The following FANK1 variants were observed in gnomAD, a reference collection of about 807,000 sequenced individuals.
The protein encoded by FANK1 is fibronectin type 3 and ankyrin repeat domains protein 1.
Under a neutral mutation model 45.3 loss-of-function variants are expected in FANK1, and 44 were observed. The observed-to-expected ratio is 0.97, with a 90% CI of 0.76 to 1.25. FANK1 has a LOEUF of 1.25. FANK1 is among the 50% of genes most tolerant of loss of function. The pLI is 0.00. For missense variants in FANK1, 391 were observed against 424.4 expected (o/e 0.92, Z 0.69); for synonymous variants, 149 against 152.5 (o/e 0.98, Z 0.17).
At chr10:125,990,041 G>A (rs940898339) in intron 3 of FANK1, among the ~76,000 whole-genome samples, 1 of 152,160 alleles carries the variant, frequency 6.6e-6, no homozygotes, top group Non-Finnish European at 1.5e-5. Context: ...TGTGCTCACT[G>A]AGCCTGCTCC....
chr10:125,928,884 C>T (rs984886250), intron 1 of FANK1, among the ~76,000 whole-genome samples: 1 of 152,102 alleles, frequency 6.6e-6, no homozygotes. Flanking sequence ...CATATTCTAC[C>T]CAGTATTCTC....
chr10:125,996,375 T>C (rs893849102), intron 4 of FANK1, among the ~76,000 whole-genome samples, 175 bp from the exon 5 acceptor site: 8 of 152,236 alleles, frequency 5.3e-5, no homozygotes, highest in African/African-American at 1.4e-4. Context: ...ATTAGGTATA[T>C]AGTTTAGAAG....
At chr10:125,995,352 C>A in intron 3 of FANK1, 65 bp from the exon 4 acceptor site, 1 of 1,469,762 alleles carries the variant, frequency 6.8e-7, no homozygotes, top group Non-Finnish European at 9.5e-7. Flanking sequence ...CACAGGAGGA[C>A]GATGGCGGGA....
chr10:125,934,744 T>G (rs1011101211), intron 1 of FANK1, among the ~76,000 whole-genome samples: 43 of 138,032 alleles, frequency 3.1e-4, no homozygotes, highest in African/African-American at 3.0e-4. Flanking sequence ...TTTTTTTTTT[T>G]TTTTTTTTTT....
intron 2 of FANK1, among the ~76,000 whole-genome samples, chr10:125,988,052 C>T (rs1468324750): frequency 6.6e-6 from 1 of 152,196 alleles, no homozygotes; most frequent in Non-Finnish European, 1.5e-5. Flanking sequence ...CCTGAGCTCC[C>T]AGCTCTACTG....
At chr10:125,918,267 T>C (rs926980978) in intron 1 of FANK1, among the ~76,000 whole-genome samples, 1 of 151,530 alleles carries the variant, frequency 6.6e-6, no homozygotes, top group Non-Finnish European at 1.5e-5. Flanking sequence ...TTAAGACTGG[T>C]TAAAATCGGG....
At chr10:125,945,200 G>C (rs1207197203) in intron 1 of FANK1, among the ~76,000 whole-genome samples, 2 of 152,044 alleles carry the variant, frequency 1.3e-5, no homozygotes, top group Non-Finnish European at 2.9e-5. Flanking sequence ...AGTCATGTGT[G>C]TCTTGTTAAA....
intron 3 of FANK1, chr10:125,989,293 C>T: frequency 2.6e-6 from 4 of 1,550,344 alleles, no homozygotes; most frequent in Admixed American, 2.0e-5. Context: ...CATCTCTGAG[C>T]AAGAGCCTTG....
At chr10:125,917,873 A>T (rs1423951727) in intron 1 of FANK1, among the ~76,000 whole-genome samples, 1 of 152,310 alleles carries the variant, frequency 6.6e-6, no homozygotes, top group African/African-American at 2.4e-5. Context: ...ACTTCAGCCC[A>T]AGAGTTCAAG....
chr10:125,946,358 G>GA (rs1399941735), intron 1 of FANK1, among the ~76,000 whole-genome samples: 1 of 148,374 alleles, frequency 6.7e-6, no homozygotes, highest in South Asian at 2.1e-4. Flanking sequence ...TGAAAACTTT[G>GA]AAAAAAATTT....
At chr10:125,898,021 A>AAG (rs1227356802) in intron 1 of FANK1, among the ~76,000 whole-genome samples, 2 of 130,860 alleles carry the variant, frequency 1.5e-5, no homozygotes, top group African/African-American at 6.0e-5. Context: ...AAAAAAAAAA[A>AAG]AAAAAAAAAA....
chr10:125,945,601 C>T (rs894313498), intron 1 of FANK1, among the ~76,000 whole-genome samples: 13 of 152,330 alleles, frequency 8.5e-5, no homozygotes, highest in South Asian at 2.1e-4. Flanking sequence ...GAGGGTCCTA[C>T]GCCCACGGAA....
In FANK1 at chr10:125,904,069, G is replaced by A. The variant is rs886099133; in HGVS notation, c.13+7414G>A. ...ACTGGAGTCTCTCTTTGTTCCCCAG[G>A]CTAGTCTTGCCACTATCCTAGTTTT... On this transcript the variant is annotated intron_variant, in intron 1 of 10. Transcript: ENST00000368693. 2.0e-4 allele frequency among the ~76,000 whole-genome samples: 31 copies of A among 151,950 alleles called. 1 individual carries two copies. The highest frequency in any genetic ancestry group is 6.8e-4 in the African/African-American group (28 of 41,342).
chr10:125,978,909 C>T (rs946486793), intron 1 of FANK1, among the ~76,000 whole-genome samples: 1 of 152,228 alleles, frequency 6.6e-6, no homozygotes, highest in African/African-American at 2.4e-5. Flanking sequence ...TTTGCCAGAG[C>T]TACGGCTACT....
chr10:125,923,089 A>G (rs558923740), intron 1 of FANK1, among the ~76,000 whole-genome samples: 1 of 151,644 alleles, frequency 6.6e-6, no homozygotes, highest in Non-Finnish European at 1.5e-5. Context: ...AAGTTTTTTC[A>G]TTACTGATTC....
intron 1 of FANK1, among the ~76,000 whole-genome samples, chr10:125,937,050 C>T (rs943905400): frequency 2.0e-5 from 3 of 151,652 alleles, no homozygotes; most frequent in African/African-American, 2.4e-5. Context: ...CTGGCAACAA[C>T]AAAAGCCAAA....
At chr10:125,915,690 T>C (rs1290499023) in intron 1 of FANK1, among the ~76,000 whole-genome samples, 1 of 152,192 alleles carries the variant, frequency 6.6e-6, no homozygotes, top group African/African-American at 2.4e-5. Context: ...GGCATGAGCC[T>C]GTAGTCCCAG....
chr10:125,954,935 A>T (rs1312672731), intron 1 of FANK1, among the ~76,000 whole-genome samples: 1 of 152,100 alleles, frequency 6.6e-6, no homozygotes, highest in Admixed American at 6.6e-5. Context: ...ATAAATTAAA[A>T]AAAGGGGAAG....
At chr10:125,969,061 C>T (rs1040918764) in intron 1 of FANK1, among the ~76,000 whole-genome samples, 3 of 152,146 alleles carry the variant, frequency 2.0e-5, no homozygotes, top group African/African-American at 4.8e-5. Flanking sequence ...TTCTCATAAT[C>T]GTCCTTTTGA....
Sources: allele counts gnomAD v4.1 joint callset (sites outside exome capture counted in the v4.1 genomes callset), GRCh38; gene constraint gnomAD v4.1.1; transcripts MANE v1.5; gene names NCBI Gene and HGNC (gene_info 2026-07-23, HGNC 2026-07-21).